The following ZNF107 variants were observed in gnomAD, a reference collection of about 807,000 sequenced individuals.
ZNF107 encodes the protein zinc finger protein 107, also known as C2H2 type zinc-finger protein.
Under a neutral mutation model 12.3 loss-of-function variants are expected in ZNF107, and 19 were observed. The observed-to-expected ratio is 1.55, with a 90% CI of 1.08 to 2.27. The LOEUF is 2.27. Ranked by LOEUF, ZNF107 falls within the 30% of genes most tolerant of loss-of-function variation. The pLI, the probability that ZNF107 is intolerant of heterozygous loss-of-function variation, is 0.00. For synonymous variants in ZNF107, 317 were observed against 330.5 expected (o/e 0.96, Z 0.44); for missense variants, 958 against 979.9 (o/e 0.98, Z 0.30).
At chr7:64,698,531 C>G (rs146854061) in intron 3 of ZNF107, among the ~76,000 whole-genome samples, 1 of 152,012 alleles carries the variant, frequency 6.6e-6, no homozygotes, top group African/African-American at 2.4e-5. Flanking sequence ...CAAGCATTCT[C>G]CTGCCTCAGC....
At position 64,706,965 on chromosome 7, in the gene ZNF107, T is replaced by C; in HGVS notation, c.868T>C (p.Cys290Arg). ...TGEKPYKYEE[C>R]GKVFSQSSHL... is the part of the protein sequence containing the mutation. The stretch of plus-strand genomic sequence containing the variant: ...AGAAAAACCTTACAAATATGAAGAA[T>C]GTGGCAAAGTCTTTAGCCAGTCCTC... Residue 290 changes from cysteine to arginine, a missense_variant, in exon 4 of 4, where the codon TGT becomes CGT. Coordinates refer to ENST00000620827, the MANE Select transcript of ZNF107 (RefSeq NM_001282359.2). 6.2e-7 allele frequency: 1 copy of C among 1,613,554 alleles called. No homozygotes were observed. Among genetic ancestry groups the C allele is most frequent in the African/African-American group, 1.3e-5 (1 of 75,016 alleles).
chr7:64,700,739 C>T (rs1025879571), intron 3 of ZNF107, among the ~76,000 whole-genome samples: 1 of 151,580 alleles, frequency 6.6e-6, no homozygotes, highest in African/African-American at 2.4e-5. Context: ...GGGGTTTTGC[C>T]ATGTTGGCCA....
intron 1 of ZNF107, among the ~76,000 whole-genome samples, chr7:64,676,683 T>C (rs1047269730): frequency 6.6e-6 from 1 of 152,208 alleles, no homozygotes; most frequent in African/African-American, 2.4e-5. Context: ...AAAAGCTGCA[T>C]ACCTCCCCCC....
In ZNF107 at chr7:64,707,620, C is replaced by T; in HGVS notation, c.1523C>T (p.Pro508Leu). Residue 508 changes from proline (P) to leucine (L), a missense_variant, in exon 4 of 4, where the codon CCC (proline) becomes CTC (leucine). Physicochemically the swap from Pro to Leu is moderately conservative, Grantham distance 98. Coordinates refer to ENST00000620827, the MANE Select transcript of ZNF107 (RefSeq NM_001282359.2). Reference protein sequence around the residue: ...RHKKIHTGEKPYKCEECDRAF... With the variant: ...RHKKIHTGEKLYKCEECDRAF... ...AAGAAAATTCATACTGGAGAGAAAC[C>T]CTACAAATGTGAAGAATGTGACAGA... The T allele has an allele frequency of 6.2e-7, 1 of 1,612,368 alleles. No homozygotes were observed. Among genetic ancestry groups the T allele is most frequent in the Non-Finnish European group, 8.5e-7 (1 of 1,179,468 alleles).
chr7:64,690,793 G>A (rs981876255), intron 1 of ZNF107, among the ~76,000 whole-genome samples: 3 of 151,490 alleles, frequency 2.0e-5, no homozygotes, highest in South Asian at 4.2e-4. Flanking sequence ...TCAGGCTGGC[G>A]TGCAGTGGAG....
chr7:64,693,945 C>T lies in ZNF107; in HGVS notation c.226+1985C>T, dbSNP rs562352770. Among the ~76,000 whole-genome samples, 7 of 152,246 alleles carry T rather than the reference C, an allele frequency of 4.6e-5. No individual in the cohort carries two copies. The East Asian group carries it at 7.7e-4, about 17-fold the overall frequency. ...CTGGGATTACAGATGTGTGCCACCA[C>T]GCCTGGCTAATTTTATATTTTTAGT... is the stretch of plus-strand genomic sequence containing the variant. On this transcript the variant is annotated intron_variant, in intron 3 of 3. Coordinates refer to ENST00000620827, the MANE Select transcript of ZNF107 (RefSeq NM_001282359.2).
At chr7:64,683,589 C>T (rs1233177402) in intron 1 of ZNF107, among the ~76,000 whole-genome samples, 1 of 152,200 alleles carries the variant, frequency 6.6e-6, no homozygotes, top group Non-Finnish European at 1.5e-5. Flanking sequence ...TTCTTCCTGC[C>T]TCACAAGCGC....
Position 64,707,111 on chromosome 7 carries a change from GA to G in ZNF107, c.1017del (p.Lys339AsnfsTer44). ...TNHKRIHAGE[K>X]PYKCKECGRA... ...ACCATAAGAGAATTCATGCTGGGGA[GA>G]AACCCTACAAATGTAAAGAATGTGG... On this transcript the variant is annotated frameshift_variant, in exon 4 of 4. Coordinates refer to ENST00000620827, the MANE Select transcript of ZNF107 (RefSeq NM_001282359.2). LOFTEE classifies it low-confidence loss of function (END_TRUNC). The G allele has an allele frequency of 3.1e-6, 5 of 1,612,806 alleles. No homozygotes were observed. Among genetic ancestry groups the G allele is most frequent in the Non-Finnish European group, 4.2e-6 (5 of 1,179,592 alleles).
At chr7:64,699,287 G>C (rs1318410997) in intron 3 of ZNF107, among the ~76,000 whole-genome samples, 1 of 152,128 alleles carries the variant, frequency 6.6e-6, no homozygotes, top group Non-Finnish European at 1.5e-5. Flanking sequence ...CCTTGAGCAA[G>C]AATATGTTGA....
intron 3 of ZNF107, among the ~76,000 whole-genome samples, chr7:64,693,258 C>A (rs1790179657): frequency 6.7e-6 from 1 of 149,918 alleles, no homozygotes. Flanking sequence ...CATGATCTGC[C>A]CGTCTCGGCC....
intron 1 of ZNF107, chr7:64,686,887 C>T: frequency 1.0e-6 from 1 of 985,390 alleles, no homozygotes; most frequent in Non-Finnish European, 1.2e-6. Flanking sequence ...GTTGCTCACA[C>T]AAAGTCTGCT....
At position 64,684,521 on chromosome 7, in the gene ZNF107, C is replaced by G; in HGVS notation, c.4-6727C>G. 3.2e-6 allele frequency: 3 copies of G among 951,212 alleles called. No homozygotes were observed. The South Asian group carries it at 1.5e-4, about 46-fold the overall frequency. The allele number at this position is 951,212 out of a possible 1,614,324, so 58.9% of individuals were successfully genotyped here. A position where few individuals can be genotyped will look rare whatever the true frequency, so the allele number is the denominator to read the frequency against. ...AGAGTAAAGCTGTGTCCATCTGACA[C>G]TCAGCCTGACCCTTCTTCCTCCTCT... On this transcript the variant is annotated intron_variant, in intron 1 of 3. Coordinates refer to ENST00000620827, the MANE Select transcript of ZNF107 (RefSeq NM_001282359.2).
chr7:64,692,223 G>A (rs1487114214), intron 3 of ZNF107, among the ~76,000 whole-genome samples: 2 of 110,030 alleles, frequency 1.8e-5, no homozygotes, highest in Non-Finnish European at 3.7e-5. Context: ...TGGCATATAA[G>A]AGAGTGCACA....
rs1790706895 is a variant in ZNF107, at chr7:64,707,530, A to C, written c.1433A>C (p.Glu478Ala). The change falls in exon 4 of 4, where the codon GAG becomes GCG. Residue 478 changes from glutamate (E) to alanine (A), a missense_variant. By Grantham distance (107) the Glu-to-Ala change is moderately radical. Transcript: ENST00000620827. ...AACCATAGGAAAATTTATTCTGGAGAGAAACCATACAAATGTGAAGAATGT... is the reference window on the plus strand; with the variant it reads ...AACCATAGGAAAATTTATTCTGGAGCGAAACCATACAAATGTGAAGAATGT... Reference protein sequence around the residue: ...LINHRKIYSGEKPYKCEECGK... With the variant: ...LINHRKIYSGAKPYKCEECGK... The C allele has an allele frequency of 6.2e-6, 10 of 1,613,464 alleles. No individual in the cohort carries two copies. Among genetic ancestry groups the C allele is most frequent in the Non-Finnish European group, 8.5e-6 (10 of 1,179,656 alleles).
chr7:64,687,949 A>T (rs1234213745), intron 1 of ZNF107, among the ~76,000 whole-genome samples: 6 of 152,224 alleles, frequency 3.9e-5, no homozygotes, highest in South Asian at 2.1e-4. Flanking sequence ...GCTTTAATCC[A>T]GAGGAGGCTT....
chr7:64,693,145 C>G (rs1206245365), intron 3 of ZNF107, among the ~76,000 whole-genome samples: 1 of 150,848 alleles, frequency 6.6e-6, no homozygotes, highest in Non-Finnish European at 1.5e-5. Flanking sequence ...ACTACAGGCG[C>G]CCTCTACCAC....
In ZNF107 at chr7:64,675,710, T is replaced by C. The variant is rs189760367; in HGVS notation, c.3+9425T>C. ...TTAGTTTGTTAAATTGAGATCTTTT[T>C]AACTTTTTAATGTGAACATTTGGTG... On this transcript the variant is annotated intron_variant, in intron 1 of 3. Coordinates refer to ENST00000620827, the MANE Select transcript of ZNF107 (RefSeq NM_001282359.2). Among the ~76,000 whole-genome samples, 281 of 152,346 alleles carry C rather than the reference T, an allele frequency of 1.8e-3. 1 individual carries two copies. The highest frequency in any genetic ancestry group is 6.5e-3 in the African/African-American group (272 of 41,576).
chr7:64,696,716 A>G (rs1790301126), intron 3 of ZNF107, among the ~76,000 whole-genome samples: 1 of 152,230 alleles, frequency 6.6e-6, no homozygotes, highest in Non-Finnish European at 1.5e-5. Context: ...TATCTCATGT[A>G]AGTGGAATCA....
In ZNF107 at chr7:64,666,290, G is replaced by A; in HGVS notation, c.3+5G>A. ...CTCCCTGGAAACCTAGAAATGGTGA[G>A]AGTGCTGGGTCCGACATCCCGAGAG... On this transcript the variant is annotated splice_donor_5th_base_variant and intron_variant, in intron 1 of 3. Coordinates refer to ENST00000620827, the MANE Select transcript of ZNF107 (RefSeq NM_001282359.2). The A allele has an allele frequency of 1.9e-6, 3 of 1,610,058 alleles. No individual in the cohort carries two copies. The South Asian group carries it at 3.3e-5, about 18-fold the overall frequency.
Sources: gnomAD v4.1 joint callset for allele counts (sites outside exome capture counted in the v4.1 genomes callset) on GRCh38, gnomAD v4.1.1 for gene constraint, MANE v1.5 for transcripts, NCBI Gene and HGNC (gene_info 2026-07-23, HGNC 2026-07-21) for gene names.